The following ITGAM variants were observed in gnomAD, a reference collection of about 807,000 sequenced individuals.
ITGAM encodes integrin alpha-M.
In ITGAM, 79 loss-of-function variants were observed where a neutral mutation model predicts 137.5. The observed-to-expected ratio is 0.57, with a 90% CI of 0.48 to 0.69. The LOEUF is 0.69. Ranked by LOEUF, ITGAM falls within the 30% of genes least tolerant of loss-of-function variation. The pLI is 0.00. For missense variants in ITGAM, 1,343 were observed against 1,483.5 expected, an observed-to-expected ratio of 0.91 and a Z score of 1.56; for synonymous variants, 583 against 592.3, an observed-to-expected ratio of 0.98 and a Z score of 0.23.
intron 14 of ITGAM, among the ~76,000 whole-genome samples, chr16:31,302,984 CTT>C (rs1321455893): frequency 2.5e-5 from 2 of 78,706 alleles, no homozygotes; most frequent in African/African-American, 1.1e-4. Flanking sequence ...TTCTTTCTTT[CTT>C]TCTTTCTTTC....
At chr16:31,273,622 G>A in intron 8 of ITGAM, 104 bp downstream of exon 8, 1 of 1,088,650 alleles carries the variant, frequency 9.2e-7, no homozygotes, top group Non-Finnish European at 1.3e-6. Flanking sequence ...TGACATGAGA[G>A]CTAATGCTAG....
intron 12 of ITGAM, among the ~76,000 whole-genome samples, chr16:31,281,912 T>C (rs1379321932): frequency 1.3e-5 from 2 of 152,362 alleles, no homozygotes; most frequent in East Asian, 3.9e-4. Flanking sequence ...GATTCTGGTA[T>C]GTTGTGTCTT....
chr16:31,319,876 G>A (rs1359047294), intron 14 of ITGAM, among the ~76,000 whole-genome samples: 31 of 151,324 alleles, frequency 2.0e-4, no homozygotes, highest in Admixed American at 5.3e-4. Flanking sequence ...GCAGTGGTGC[G>A]ATCTCGGCTC....
chr16:31,270,142 C>T (rs568478125), intron 5 of ITGAM, among the ~76,000 whole-genome samples: 1 of 58,250 alleles, frequency 1.7e-5, no homozygotes, highest in African/African-American at 7.0e-5. Flanking sequence ...CCTTTGCTTT[C>T]CTTTCCTTTC....
intron 22 of ITGAM, among the ~76,000 whole-genome samples, chr16:31,327,519 G>A (rs146897993): frequency 1.3e-5 from 2 of 152,016 alleles, no homozygotes; most frequent in African/African-American, 4.8e-5. Flanking sequence ...GCTTGAGCCT[G>A]GAAGATTGAG....
chr16:31,293,353 TCTTC>T (rs141991745), intron 12 of ITGAM, among the ~76,000 whole-genome samples: 10,972 of 152,180 alleles, frequency 0.072, 1,335 homozygotes, highest in African/African-American at 0.25. Context: ...GCCTAGGTTG[TCTTC>T]CAGGGTTCTT....
chr16:31,321,211 T>A, intron 14 of ITGAM, 30 bp from the exon 15 acceptor site: 1 of 1,612,620 alleles, frequency 6.2e-7, no homozygotes. Flanking sequence ...CCTACCCCTT[T>A]CTCTCTCCAC....
chr16:31,301,438 C>T (rs1482016595), intron 14 of ITGAM, among the ~76,000 whole-genome samples: 1 of 152,126 alleles, frequency 6.6e-6, no homozygotes, highest in African/African-American at 2.4e-5. Context: ...TATCTTTATG[C>T]TAGTACCATA....
chr16:31,325,750 C>A, intron 21 of ITGAM, 128 bp downstream of exon 21: 2 of 1,116,174 alleles, frequency 1.8e-6, no homozygotes, highest in South Asian at 1.7e-5. Flanking sequence ...AATTCATATA[C>A]CATCCAATTC....
chr16:31,316,991 C>T (rs755114573), intron 14 of ITGAM, among the ~76,000 whole-genome samples: 6 of 152,114 alleles, frequency 3.9e-5, no homozygotes, highest in Non-Finnish European at 8.8e-5. Context: ...ATAACTTTTT[C>T]GTAGAGTATT....
rs773246702 is a variant in ITGAM, at chr16:31,271,949, C to G, written c.661C>G (p.Leu221Val). 1 of 1,614,012 alleles carries G rather than the reference C, an allele frequency of 6.2e-7. No homozygotes were observed. Among genetic ancestry groups the G allele is most frequent in the East Asian group, 2.2e-5 (1 of 44,866 alleles). ...PRSLVKPITQ[L>V]LGRTHTATGI... ...ATCACTGGTGAAGCCAATAACGCAG[C>G]TGCTTGGGCGGACACACACGGCCAC... is the stretch of plus-strand genomic sequence containing the variant. Residue 221 changes from leucine (L) to valine (V), a missense_variant, in exon 7 of 30, where the codon CTG becomes GTG. Coordinates refer to ENST00000544665, the MANE Select transcript of ITGAM (RefSeq NM_000632.4).
chr16:31,285,134 G>A (rs1567258343), intron 12 of ITGAM, among the ~76,000 whole-genome samples: 1 of 152,198 alleles, frequency 6.6e-6, no homozygotes, highest in South Asian at 2.1e-4. Flanking sequence ...ACGTGACTGA[G>A]GGCTGCATGC....
chr16:31,299,917 G>C (rs957526013), intron 14 of ITGAM, among the ~76,000 whole-genome samples: 3 of 151,212 alleles, frequency 2.0e-5, no homozygotes, highest in Non-Finnish European at 4.4e-5. Flanking sequence ...GGAGTGCAGT[G>C]GTGCAAACAC....
intron 2 of ITGAM, among the ~76,000 whole-genome samples, chr16:31,263,019 G>A (rs1332620712): frequency 6.6e-6 from 1 of 152,158 alleles, no homozygotes; most frequent in African/African-American, 2.4e-5. Flanking sequence ...TTGGCTCACT[G>A]CGACTTCTGC....
At chr16:31,329,734 G>T in intron 24 of ITGAM, 64 bp from the exon 25 acceptor site, 1 of 1,409,872 alleles carries the variant, frequency 7.1e-7, no homozygotes, top group South Asian at 1.2e-5. Context: ...GGGGAGGGGA[G>T]GCTGATTCTC....
intron 6 of ITGAM, 52 bp from the exon 7 acceptor site, chr16:31,271,795 C>G: frequency 6.2e-7 from 1 of 1,608,214 alleles, no homozygotes; most frequent in Admixed American, 1.7e-5. Context: ...TGGGAGATGT[C>G]TGAGGGGTGG....
At position 31,297,651 on chromosome 16, in the gene ITGAM, G is replaced by C; in HGVS notation, c.1494G>C (p.Arg498Ser). The C allele has an allele frequency of 6.2e-7, 1 of 1,612,352 alleles. No homozygotes were observed. ...GGQVSVCPLPRGRARWQCDAV... is the reference protein window; with the variant it reads ...GGQVSVCPLPSGRARWQCDAV... ...AGGTGTCCGTGTGCCCCTTGCCCAG[G>C]GGGGTGAGTGGCAATGGGACCTGGG... The change falls in exon 13 of 30, where the codon AGG (arginine) becomes AGC (serine). Residue 498 changes from arginine (R) to serine (S), a missense_variant. Physicochemically the swap from Arg to Ser is moderately radical, Grantham distance 110 (BLOSUM62 -1). Coordinates refer to ENST00000544665, the MANE Select transcript of ITGAM (RefSeq NM_000632.4).
intron 5 of ITGAM, among the ~76,000 whole-genome samples, chr16:31,269,611 G>A (rs1335354483): frequency 6.6e-6 from 1 of 152,118 alleles, no homozygotes; most frequent in African/African-American, 2.4e-5. Flanking sequence ...TTACAAAGAG[G>A]GGGGTTTATT....
At chr16:31,310,056 C>G (rs1227570005) in intron 14 of ITGAM, among the ~76,000 whole-genome samples, 1 of 150,652 alleles carries the variant, frequency 6.6e-6, no homozygotes, top group Non-Finnish European at 1.5e-5. Flanking sequence ...GCCCATCAGA[C>G]TAGATCAGCT....
Sources: gnomAD v4.1 joint callset for allele counts (sites outside exome capture counted in the v4.1 genomes callset) on GRCh38, gnomAD v4.1.1 for gene constraint, MANE v1.5 for transcripts, NCBI Gene and HGNC (gene_info 2026-07-23, HGNC 2026-07-21) for gene names.